STARD9: variants seen among roughly 807,000 people sequenced by gnomAD.
STARD9 encodes the protein stAR-related lipid transfer protein 9.
Under a neutral mutation model 399.8 loss-of-function variants are expected in STARD9, and 346 were observed. The observed-to-expected ratio is 0.87, with a 90% CI of 0.79 to 0.95. The LOEUF (loss-of-function observed/expected upper bound fraction) is 0.95. STARD9 is among the 40% of genes least tolerant of loss of function. The probability of loss-of-function intolerance (pLI) is 0.00; values close to 1 mark genes in which losing one functional copy is unlikely to be tolerated. For missense variants in STARD9, 5,832 were observed against 5,667.5 expected, an observed-to-expected ratio of 1.03 and a Z score of -0.93; for synonymous variants, 2,203 against 2,143.5, an observed-to-expected ratio of 1.03 and a Z score of -0.77.
rs1221129570 is a variant in STARD9, at chr15:42,690,274, C to T, written c.8696C>T (p.Pro2899Leu). The change falls in exon 23 of 33, where the codon CCA (proline) becomes CTA (leucine). Residue 2899 changes from proline (P) to leucine (L), a missense_variant. By Grantham distance (98) the Pro-to-Leu change is moderately conservative. This residue lies in a region of STARD9 where 5,828 missense variants were observed against 5,651.1 expected (regional missense o/e 1.03). Coordinates refer to ENST00000290607, the MANE Select transcript of STARD9 (RefSeq NM_020759.3). ...GGCAGCAAACATTCCAGGCCAATTC[C>T]ACTGCCAGATCAAAGACCAAGCGCA... is the stretch of plus-strand genomic sequence containing the variant. ...RAGSKHSRPI[P>L]LPDQRPSANP... 1 of 1,537,332 alleles carries T rather than the reference C, an allele frequency of 6.5e-7. No individual in the cohort carries two copies. Among genetic ancestry groups the T allele is most frequent in the Non-Finnish European group, 8.7e-7 (1 of 1,146,950 alleles).
At chr15:42,696,190 T>C (rs2060843333) in intron 26 of STARD9, among the ~76,000 whole-genome samples, 1 of 152,268 alleles carries the variant, frequency 6.6e-6, no homozygotes, top group Non-Finnish European at 1.5e-5. Flanking sequence ...TGTTTAGTTA[T>C]TGTTGCAGTA....
At chr15:42,615,895 ATTG>A (rs1482647130) in intron 3 of STARD9, among the ~76,000 whole-genome samples, 6 of 152,186 alleles carry the variant, frequency 3.9e-5, no homozygotes, top group Admixed American at 2.6e-4. Context: ...GTTGATGTAT[ATTG>A]TATGTATCTA....
In STARD9 at chr15:42,692,041, C is replaced by T; in HGVS notation, c.10463C>T (p.Ser3488Phe). 6.5e-7 allele frequency: 1 copy of T among 1,537,256 alleles called. No individual in the cohort carries two copies. Among genetic ancestry groups the T allele is most frequent in the East Asian group, 2.4e-5 (1 of 40,918 alleles). Residue 3488 changes from serine to phenylalanine, a missense_variant, in exon 23 of 33, where the codon TCT (serine) becomes TTT (phenylalanine). Ser to Phe is a radical substitution (Grantham distance 155). This residue lies in a region of STARD9 where 5,828 missense variants were observed against 5,651.1 expected (regional missense o/e 1.03). Coordinates refer to ENST00000290607, the MANE Select transcript of STARD9 (RefSeq NM_020759.3). ...PARISWKQYM[S>F]GSAVDVSCSQ... Reference sequence around the variant, plus strand: ...CGTATCAGCTGGAAGCAGTATATGTCTGGCAGTGCAGTCGATGTTTCCTGC... The same window carrying T: ...CGTATCAGCTGGAAGCAGTATATGTTTGGCAGTGCAGTCGATGTTTCCTGC...
At chr15:42,588,631 AAC>A (rs1273893406) in intron 3 of STARD9, among the ~76,000 whole-genome samples, 5 of 152,082 alleles carry the variant, frequency 3.3e-5, no homozygotes, top group Admixed American at 3.3e-4. Context: ...TCATTGCTTT[AAC>A]ACAGAAATTG....
Position 42,640,382 on chromosome 15 carries a change from AAAC to A in STARD9, c.559+1579_559+1581del, listed in dbSNP as rs769285712. Among the ~76,000 whole-genome samples, 4 of 152,318 alleles carry A rather than the reference AAAC, an allele frequency of 2.6e-5. 1 individual carries two copies. Among genetic ancestry groups the A allele is most frequent in the East Asian group, 1.9e-4 (1 of 5,190 alleles). On this transcript the variant is annotated intron_variant, in intron 7 of 32. Coordinates refer to ENST00000290607, the MANE Select transcript of STARD9 (RefSeq NM_020759.3). ...TGTTTAATCATAAATAGCAGCCTAG[AAAC>A]AACAACAAAAACACCATTTCCTTTG...
chr15:42,719,091 AG>A, intron 32 of STARD9, among the ~76,000 whole-genome samples, 181 bp downstream of exon 32: 1 of 152,324 alleles, frequency 6.6e-6, no homozygotes, highest in South Asian at 2.1e-4. Context: ...ATTGGAGAGA[AG>A]GGAATGCGAC....
At chr15:42,583,874 A>G (rs2058222228) in intron 2 of STARD9, among the ~76,000 whole-genome samples, 1 of 152,114 alleles carries the variant, frequency 6.6e-6, no homozygotes. Flanking sequence ...ACTGAGATCC[A>G]AGTAACATCT....
chr15:42,663,271 A>ATC lies in STARD9; in HGVS notation c.869-8_869-7dup. 8 of 1,509,836 alleles carry ATC rather than the reference A, an allele frequency of 5.3e-6. No individual in the cohort carries two copies. The highest frequency in any genetic ancestry group is 7.1e-6 in the Non-Finnish European group (8 of 1,132,408). 93.5% of individuals were successfully genotyped at this position (1,509,836 alleles called of 1,614,324 possible). A position where few individuals can be genotyped will look rare whatever the true frequency, so the allele number is the denominator to read the frequency against. On this transcript the variant is annotated splice_polypyrimidine_tract_variant and intron_variant, in intron 11 of 32. Transcript: ENST00000290607. ...CTTCTTTCTTCCATTTTCTTTTTTC[A>ATC]TCTTTTAAGCCCAGAACTCCCAAGT...
intron 7 of STARD9, among the ~76,000 whole-genome samples, chr15:42,643,206 T>A (rs2059575185): frequency 6.6e-6 from 1 of 152,196 alleles, no homozygotes. Flanking sequence ...TTTTTGGTTT[T>A]GTTTTTTTGA....
chr15:42,655,951 A>G (rs2059860034), intron 9 of STARD9, among the ~76,000 whole-genome samples: 1 of 152,220 alleles, frequency 6.6e-6, no homozygotes, highest in South Asian at 2.1e-4. Flanking sequence ...AGATATACAA[A>G]TGGCAACAAA....
intron 3 of STARD9, among the ~76,000 whole-genome samples, chr15:42,625,804 T>C (rs976126511): frequency 6.6e-6 from 1 of 152,090 alleles, no homozygotes; most frequent in Non-Finnish European, 1.5e-5. Context: ...TGTATTTTGT[T>C]GAATAACTAA....
At chr15:42,695,418 T>C in intron 25 of STARD9, 95 bp downstream of exon 25, 1 of 1,222,250 alleles carries the variant, frequency 8.2e-7, no homozygotes, top group Non-Finnish European at 1.1e-6. Context: ...GGGACATACG[T>C]AACATTTGGA....
At chr15:42,682,670 C>T (rs541430188) in intron 22 of STARD9, 95 bp downstream of exon 22, 1 of 965,442 alleles carries the variant, frequency 1.0e-6, no homozygotes, top group East Asian at 2.6e-5. Flanking sequence ...CTCATTTCCT[C>T]AGTCTGTGAA....
chr15:42,628,699 G>C (rs1338124780), intron 3 of STARD9, among the ~76,000 whole-genome samples: 1 of 152,106 alleles, frequency 6.6e-6, no homozygotes, highest in Non-Finnish European at 1.5e-5. Context: ...CTTCTCCCCT[G>C]TGTATGTTTT....
chr15:42,686,800 C>G lies in STARD9; in HGVS notation c.5222C>G (p.Pro1741Arg). The G allele has an allele frequency of 2.0e-6, 3 of 1,537,146 alleles. No homozygotes were observed. The highest frequency in any genetic ancestry group is 2.6e-6 in the Non-Finnish European group (3 of 1,146,884). ...PWNPLSSSLQ[P>R]PLLETFYVTK... ...AATCCATTGTCATCTTCCCTGCAGC[C>G]CCCACTCTTGGAAACATTCTATGTG... Residue 1741 changes from proline to arginine, a missense_variant, in exon 23 of 33, where the codon CCC (proline) becomes CGC (arginine). Pro to Arg is a moderately radical substitution (Grantham distance 103). Coordinates refer to ENST00000290607, the MANE Select transcript of STARD9 (RefSeq NM_020759.3).
rs1256565706 is a variant in STARD9 at position 42,688,521 on chromosome 15, C to G, written c.6943C>G (p.Pro2315Ala). 1 of 1,537,840 alleles carries G rather than the reference C, an allele frequency of 6.5e-7. No homozygotes were observed. The highest frequency in any genetic ancestry group is 1.4e-5 in the African/African-American group (1 of 73,150). The change falls in exon 23 of 33, where the codon CCA (proline) becomes GCA (alanine). Residue 2315 changes from proline (P) to alanine (A), a missense_variant. Pro to Ala is a conservative substitution (Grantham distance 27). Around this residue, in one of 2 missense-constraint regions of STARD9, gnomAD observed 5,828 missense variants for 5,651.1 expected, o/e 1.03. Transcript: ENST00000290607. ...DTFFRQETVSPLLSRTEFCTA... is the reference protein window; with the variant it reads ...DTFFRQETVSALLSRTEFCTA... ...GTTTTTCAGGCAGGAAACTGTCAGC[C>G]CATTACTAAGCCGGACAGAATTCTG...
chr15:42,661,446 T>C (rs966164597), intron 10 of STARD9, among the ~76,000 whole-genome samples: 1 of 152,126 alleles, frequency 6.6e-6, no homozygotes, highest in African/African-American at 2.4e-5. Context: ...CCTGAGGACC[T>C]TTTCTTTTTT....
At chr15:42,669,401 G>A (rs1407250940) in intron 16 of STARD9, 64 bp downstream of exon 16, 3 of 1,360,808 alleles carry the variant, frequency 2.2e-6, no homozygotes, top group African/African-American at 1.4e-5. Context: ...GGAGGGAAAA[G>A]CTAGGAGCAG....
intron 7 of STARD9, among the ~76,000 whole-genome samples, chr15:42,644,032 T>C (rs1195880567): frequency 6.6e-6 from 1 of 152,206 alleles, no homozygotes; most frequent in African/African-American, 2.4e-5. Context: ...ACAACATGTA[T>C]ACAGACATGC....
Sources: gnomAD v4.1 joint callset for allele counts (sites outside exome capture counted in the v4.1 genomes callset) on GRCh38, gnomAD v4.1.1 for gene constraint, gnomAD v4.1.1 regional missense constraint, MANE v1.5 for transcripts, NCBI Gene and HGNC (gene_info 2026-07-23, HGNC 2026-07-21) for gene names.